KRR1: variants seen among roughly 807,000 people sequenced by gnomAD.
KRR1 encodes KRR1 small subunit processome component.
Under a neutral mutation model 50.0 loss-of-function variants are expected in KRR1, and 23 were observed. That is an observed-to-expected ratio of 0.46 (90% confidence interval 0.33 to 0.65). The LOEUF is 0.65. Among genes scored for constraint, KRR1 ranks in the 30% least tolerant of loss-of-function variants. The pLI is 0.02. For missense variants in KRR1, 419 were observed against 442.4 expected (o/e 0.95, Z 0.47); for synonymous variants, 133 against 146.3 (o/e 0.91, Z 0.66).
At chr12:75,500,235 CAACTATATTA>C (rs2046382517) in intron 9 of KRR1, 2 of 199,860 alleles carry the variant, frequency 1.0e-5, no homozygotes, top group East Asian at 2.5e-4. Flanking sequence ...TTACTGGATT[CAACTATATTA>C]AGACTATTTC....
At chr12:75,509,469 T>C (rs1208346182) in intron 1 of KRR1, among the ~76,000 whole-genome samples, 2 of 152,192 alleles carry the variant, frequency 1.3e-5, no homozygotes, top group Non-Finnish European at 2.9e-5. Flanking sequence ...CACATCCACG[T>C]TGCTATTTCT....
chr12:75,492,640 T>G lies in KRR1; in HGVS notation c.*7169A>C, dbSNP rs144855831. The G allele has an allele frequency of 7.9e-4, 121 of 152,328 alleles. No homozygotes were observed. Among genetic ancestry groups the G allele is most frequent in the Non-Finnish European group, 1.4e-3 (98 of 68,022 alleles). The allele number at this position is 152,328 out of a possible 1,614,324, so 9.4% of individuals were successfully genotyped here. A position where few individuals can be genotyped will look rare whatever the true frequency, so the allele number is the denominator to read the frequency against. Reference sequence around the variant, plus strand: ...AATTTTCCTGGTTTAGACTCACTTATCTTCAGAGTTATAAACAATATTAAA... The same window carrying G: ...AATTTTCCTGGTTTAGACTCACTTAGCTTCAGAGTTATAAACAATATTAAA... On this transcript the variant is annotated 3_prime_UTR_variant, in exon 10 of 10. Transcript: ENST00000229214.
At chr12:75,508,181 TAAAAAA>T in intron 2 of KRR1, 87 bp downstream of exon 2, 1 of 673,206 alleles carries the variant, frequency 1.5e-6, no homozygotes, top group South Asian at 3.7e-5. Flanking sequence ...TTAGCACCAT[TAAAAAA>T]AAAAAAAAAG....
chr12:75,500,136 C>T, intron 9 of KRR1, 185 bp from the exon 10 acceptor site: 2 of 438,552 alleles, frequency 4.6e-6, no homozygotes, highest in Middle Eastern at 6.1e-4. Flanking sequence ...TTAGAAATTT[C>T]TTCAGATTAA....
chr12:75,493,009 T>A lies in KRR1; in HGVS notation c.*6800A>T, dbSNP rs1012027720. On this transcript the variant is annotated 3_prime_UTR_variant, in exon 10 of 10. Coordinates refer to ENST00000229214, the MANE Select transcript of KRR1 (RefSeq NM_007043.7). ...AAGAACTTCTGGAACAGCTGTCTAG[T>A]GGAGAAAAGAACAGCAAAACTTCCG... is the stretch of plus-strand genomic sequence containing the variant. The A allele has an allele frequency of 3.3e-5, 5 of 152,080 alleles. No homozygotes were observed. The highest frequency in any genetic ancestry group is 1.2e-4 in the African/African-American group (5 of 41,406). 9.4% of individuals were successfully genotyped at this position (152,080 alleles called of 1,614,324 possible).
At chr12:75,509,591 T>C (rs908108089) in intron 1 of KRR1, among the ~76,000 whole-genome samples, 7 of 151,002 alleles carry the variant, frequency 4.6e-5, no homozygotes, top group South Asian at 2.1e-4. Context: ...CATTTCTTTT[T>C]TTTTTTTTTT....
chr12:75,498,969 T>C lies in KRR1; in HGVS notation c.*840A>G. The C allele has an allele frequency of 1.3e-6, 2 of 1,590,076 alleles. No individual in the cohort carries two copies. The highest frequency in any genetic ancestry group is 8.5e-7 in the Non-Finnish European group (1 of 1,170,798). On this transcript the variant is annotated 3_prime_UTR_variant, in exon 10 of 10. Transcript: ENST00000229214. Reference sequence around the variant, plus strand: ...AGCACAAGTACCCTAATTTAGTTCTTTTGGACTAATACAATTCAGGAAAGA... The same window carrying C: ...AGCACAAGTACCCTAATTTAGTTCTCTTGGACTAATACAATTCAGGAAAGA...
chr12:75,508,441 A>G lies in KRR1; in HGVS notation c.91T>C (p.Ser31Pro). ...CCATCAGGAACCGTAAGGAGTTCTG[A>G]TTCATCTACAGAAAGGAAAAAATTT... ...QKPKPENQDE[S>P]ELLTVPDGWK... Residue 31 changes from serine (S) to proline (P), a missense_variant, in exon 2 of 10, where the codon TCA (serine) becomes CCA (proline). Ser to Pro is a moderately conservative substitution (Grantham distance 74). Coordinates refer to ENST00000229214, the MANE Select transcript of KRR1 (RefSeq NM_007043.7). 6.3e-7 allele frequency: 1 copy of G among 1,596,168 alleles called. No homozygotes were observed. Among genetic ancestry groups the G allele is most frequent in the Non-Finnish European group, 8.5e-7 (1 of 1,174,364 alleles).
chr12:75,505,799 T>C (rs1301949805), intron 5 of KRR1, among the ~76,000 whole-genome samples: 1 of 152,092 alleles, frequency 6.6e-6, no homozygotes, highest in Non-Finnish European at 1.5e-5. Context: ...AAACAGCATT[T>C]GCTCCACAGA....
At position 75,506,616 on chromosome 12, in the gene KRR1, C is replaced by CAAAAAAAAAAAAAA. The variant is rs35071517; in HGVS notation, c.394-21_394-8dup. 9.0e-5 allele frequency: 123 copies of CAAAAAAAAAAAAAA among 1,372,724 alleles called. 2 individuals are homozygous for CAAAAAAAAAAAAAA. The highest frequency in any genetic ancestry group is 7.8e-4 in the African/African-American group (46 of 59,110). 85.0% of individuals were successfully genotyped at this position (1,372,724 alleles called of 1,614,324 possible). A position where few individuals can be genotyped will look rare whatever the true frequency, so the allele number is the denominator to read the frequency against. ...CCTGAAGAATTCGTACTGCCTTTTG[C>CAAAAAAAAAAAAAA]AAAAAAAAAAAAAAAAAGAAGACAT... On this transcript the variant is annotated splice_polypyrimidine_tract_variant and splice_region_variant and intron_variant, in intron 3 of 9. Transcript: ENST00000229214.
chr12:75,511,436 T>C (rs1041252880), intron 1 of KRR1, 77 bp downstream of exon 1: 114 of 1,295,310 alleles, frequency 8.8e-5, no homozygotes, highest in Non-Finnish European at 1.2e-4. Context: ...GTTTTATAAG[T>C]CCACGAGGAA....
chr12:75,499,771 C>CAAAAGGAGATAGTTCTAG lies in KRR1; in HGVS notation c.*20_*37dup. 1.3e-6 allele frequency: 2 copies of CAAAAGGAGATAGTTCTAG among 1,486,674 alleles called. No homozygotes were observed. The highest frequency in any genetic ancestry group is 1.8e-4 in the Middle Eastern group (1 of 5,540). The allele number at this position is 1,486,674 out of a possible 1,614,324, so 92.1% of individuals were successfully genotyped here. On this transcript the variant is annotated 3_prime_UTR_variant, in exon 10 of 10. Transcript: ENST00000229214. The stretch of plus-strand genomic sequence containing the variant: ...ATGCCTGATATCTCAAAATCCTTTA[C>CAAAAGGAGATAGTTCTAG]AAAAGGAGATAGTTCTAGTCAAGGA...
In KRR1 at chr12:75,503,997, G is replaced by C; in HGVS notation, c.738C>G (p.Phe246Leu). 2 of 1,612,084 alleles carry C rather than the reference G, an allele frequency of 1.2e-6. No individual in the cohort carries two copies. Among genetic ancestry groups the C allele is most frequent in the Non-Finnish European group, 1.7e-6 (2 of 1,178,746 alleles). Reference sequence around the variant, plus strand: ...TGCGTTTATTCACATTTTTGTGTTTGAACTGTGGCAAAAATCTCTCCCAAC... The same window carrying C: ...TGCGTTTATTCACATTTTTGTGTTTCAACTGTGGCAAAAATCTCTCCCAAC... ...SQSWERFLPQ[F>L]KHKNVNKRKE... is the part of the protein sequence containing the mutation. The change falls in exon 7 of 10, where the codon TTC becomes TTG. Residue 246 changes from phenylalanine (F) to leucine (L), a missense_variant. Phe to Leu is a conservative substitution (Grantham distance 22, BLOSUM62 0). Coordinates refer to ENST00000229214, the MANE Select transcript of KRR1 (RefSeq NM_007043.7).
Position 75,501,931 on chromosome 12 carries a change from C to A in KRR1, c.901G>T (p.Ala301Ser), listed in dbSNP as rs2046397272. The A allele has an allele frequency of 1.2e-6, 2 of 1,612,344 alleles. No homozygotes were observed. The highest frequency in any genetic ancestry group is 1.3e-5 in the African/African-American group (1 of 74,822). Residue 301 changes from alanine to serine, a missense_variant, in exon 8 of 10, where the codon GCA (alanine) becomes TCA (serine). By Grantham distance (99) the Ala-to-Ser change is moderately conservative (BLOSUM62 1). Coordinates refer to ENST00000229214, the MANE Select transcript of KRR1 (RefSeq NM_007043.7). Reference sequence around the variant, plus strand: ...GACATAAAGTGCCGTACCTTTATTGCTTCCATTTTCTGCCGCTTCTTCTGA... The same window carrying A: ...GACATAAAGTGCCGTACCTTTATTGATTCCATTTTCTGCCGCTTCTTCTGA... ...ANQKKRQKME[A>S]IKAKQAEAIS... is the part of the protein sequence containing the mutation.
intron 1 of KRR1, among the ~76,000 whole-genome samples, chr12:75,511,275 C>G (rs76107995): frequency 0.014 from 2,104 of 152,268 alleles, 25 homozygotes; most frequent in Non-Finnish European, 0.02. Flanking sequence ...AGACGTAATC[C>G]GCAACAGCTT....
At chr12:75,511,140 T>C (rs557589381) in intron 1 of KRR1, among the ~76,000 whole-genome samples, 10 of 152,318 alleles carry the variant, frequency 6.6e-5, no homozygotes, top group African/African-American at 1.7e-4. Context: ...TCCACTCTTG[T>C]ATATCATGAC....
At chr12:75,506,633 A>AAAAAAAAAAAAAAAAAAAAC (rs1555241425) in intron 3 of KRR1, 24 bp from the exon 4 acceptor site, 1 of 1,535,684 alleles carries the variant, frequency 6.5e-7, no homozygotes, top group African/African-American at 1.4e-5. Context: ...AAAAAAAAAA[A>AAAAAAAAAAAAAAAAAAAAC]GAAGACATTA....
At position 75,498,994 on chromosome 12, in the gene KRR1, AAAAAACCC is replaced by A; in HGVS notation, c.*807_*814del. On this transcript the variant is annotated 3_prime_UTR_variant, in exon 10 of 10. Coordinates refer to ENST00000229214, the MANE Select transcript of KRR1 (RefSeq NM_007043.7). Reference sequence around the variant, plus strand: ...TTTGGACTAATACAATTCAGGAAAGAAAAAACCCAAAAACCAACCTCATTCACATATGG... The same window carrying A: ...TTTGGACTAATACAATTCAGGAAAGAAAAAACCAACCTCATTCACATATGG... 1 of 1,524,196 alleles carries A rather than the reference AAAAAACCC, an allele frequency of 6.6e-7. No individual in the cohort carries two copies. The allele number at this position is 1,524,196 out of a possible 1,614,324, so 94.4% of individuals were successfully genotyped here.
chr12:75,502,306 T>A lies in KRR1; in HGVS notation c.832-306A>T, dbSNP rs1422678465. ...AGTTTTGGGGAAAATTTGAAGAAGCTTCAATGGCAGACAAAGTAGGAGGGA... is the reference window on the plus strand; with the variant it reads ...AGTTTTGGGGAAAATTTGAAGAAGCATCAATGGCAGACAAAGTAGGAGGGA... On this transcript the variant is annotated intron_variant, in intron 7 of 9. Transcript: ENST00000229214. The A allele has an allele frequency of 2.1e-5, 5 of 239,534 alleles. No individual in the cohort carries two copies. In the East Asian group the frequency reaches 3.6e-4, roughly 17 times the overall value. 14.8% of individuals were successfully genotyped at this position (239,534 alleles called of 1,614,324 possible). A position where few individuals can be genotyped will look rare whatever the true frequency, so the allele number is the denominator to read the frequency against.
Sources: gnomAD v4.1 joint callset for allele counts (sites outside exome capture counted in the v4.1 genomes callset) on GRCh38, gnomAD v4.1.1 for gene constraint, MANE v1.5 for transcripts, NCBI Gene and HGNC (gene_info 2026-07-23, HGNC 2026-07-21) for gene names.